The following MYO10 variants were observed in gnomAD, a reference collection of about 807,000 sequenced individuals.
MYO10 encodes myosin X.
Under a neutral mutation model 257.3 loss-of-function variants are expected in MYO10, and 133 were observed. The ratio of observed to expected loss-of-function variants is 0.52; its 90% CI spans 0.45 to 0.60. MYO10 has a LOEUF of 0.60. MYO10 is among the 20% of genes least tolerant of loss of function. The pLI is 0.00. For missense variants in MYO10, 2,399 were observed against 2,635.7 expected (o/e 0.91, Z 1.97); for synonymous variants, 1,104 against 1,028.6 (o/e 1.07, Z -1.40).
Position 16,671,454 on chromosome 5 carries a change from C to T in MYO10, c.5398G>A (p.Asp1800Asn), listed in dbSNP as rs1237861494. 6.2e-7 allele frequency: 1 copy of T among 1,613,888 alleles called. No homozygotes were observed. Among genetic ancestry groups the T allele is most frequent in the Non-Finnish European group, 8.5e-7 (1 of 1,179,890 alleles). Reference protein sequence around the residue: ...CFLDTDNVPKDSVEFAFMFEQ... With the variant: ...CFLDTDNVPKNSVEFAFMFEQ... ...AACATAAATGCAAACTCCACACTGTCTTTTGGCACGTTGTCTGTGTCCAGG... is the reference window on the plus strand; with the variant it reads ...AACATAAATGCAAACTCCACACTGTTTTTTGGCACGTTGTCTGTGTCCAGG... The change falls in exon 38 of 41, where the codon GAC (aspartate) becomes AAC (asparagine). Residue 1800 changes from aspartate to asparagine, a missense_variant. Asp to Asn is a conservative substitution (Grantham distance 23). This residue lies in a region of MYO10 where 1,820 missense variants were observed against 1,939.4 expected (regional missense o/e 0.94). Coordinates refer to ENST00000513610, the MANE Select transcript of MYO10 (RefSeq NM_012334.3).
intron 19 of MYO10, among the ~76,000 whole-genome samples, chr5:16,720,026 A>G (rs966419025): frequency 1.9e-3 from 178 of 94,366 alleles, no homozygotes; most frequent in South Asian, 6.3e-3. Flanking sequence ...GTGTGTGTAT[A>G]TGTATGTATG....
chr5:16,723,181 G>A (rs890932446), intron 19 of MYO10, among the ~76,000 whole-genome samples: 18 of 149,612 alleles, frequency 1.2e-4, no homozygotes, highest in African/African-American at 4.3e-4. Context: ...TCAGGAGATC[G>A]AGACCATCCT....
intron 2 of MYO10, among the ~76,000 whole-genome samples, chr5:16,843,024 G>C (rs1416814922): frequency 3.3e-5 from 5 of 151,866 alleles, no homozygotes; most frequent in African/African-American, 1.2e-4. Flanking sequence ...AAACTGTCAG[G>C]ACTCATTTCC....
At chr5:16,705,749 A>G (rs1205105334) in intron 21 of MYO10, among the ~76,000 whole-genome samples, 1 of 145,818 alleles carries the variant, frequency 6.9e-6, no homozygotes, top group Non-Finnish European at 1.5e-5. Context: ...AAAGCAAATA[A>G]AGAGTCCTAC....
chr5:16,672,551 C>T, intron 37 of MYO10, 138 bp downstream of exon 37: 3 of 947,688 alleles, frequency 3.2e-6, no homozygotes, highest in Non-Finnish European at 3.1e-6. Flanking sequence ...CAAAGTTAAA[C>T]AGGCATCAAC....
At chr5:16,923,910 G>C (rs989949076) in intron 1 of MYO10, among the ~76,000 whole-genome samples, 1 of 152,064 alleles carries the variant, frequency 6.6e-6, no homozygotes, top group Non-Finnish European at 1.5e-5. Context: ...GGCAAAACAA[G>C]GAGACCTCAT....
chr5:16,913,074 C>A (rs889286667), intron 1 of MYO10, among the ~76,000 whole-genome samples: 1 of 151,968 alleles, frequency 6.6e-6, no homozygotes, highest in Non-Finnish European at 1.5e-5. Context: ...CTCAGTGCCT[C>A]CCTTCTTTTG....
chr5:16,769,885 A>T (rs1186892086), intron 9 of MYO10, among the ~76,000 whole-genome samples: 1 of 152,154 alleles, frequency 6.6e-6, no homozygotes, highest in African/African-American at 2.4e-5. Flanking sequence ...CTTTAGATGT[A>T]AAAATGTGGA....
intron 2 of MYO10, among the ~76,000 whole-genome samples, chr5:16,852,931 A>G (rs1446207850): frequency 6.6e-6 from 1 of 152,206 alleles, no homozygotes; most frequent in Non-Finnish European, 1.5e-5. Flanking sequence ...AAATTGAAGA[A>G]TAACAACAGT....
chr5:16,724,474 A>G (rs1008649052), intron 19 of MYO10, among the ~76,000 whole-genome samples: 1 of 152,188 alleles, frequency 6.6e-6, no homozygotes, highest in African/African-American at 2.4e-5. Context: ...CACTAGTTCA[A>G]ATATGACTCT....
chr5:16,918,117 C>G (rs1414469266), intron 1 of MYO10, among the ~76,000 whole-genome samples: 1 of 152,180 alleles, frequency 6.6e-6, no homozygotes, highest in African/African-American at 2.4e-5. Flanking sequence ...AAGTCTCACA[C>G]TACTAGGAGA....
At chr5:16,742,338 T>A (rs1355896658) in intron 19 of MYO10, 3 of 734,054 alleles carry the variant, frequency 4.1e-6, no homozygotes, top group East Asian at 1.3e-4. Context: ...AGGGCTTTAC[T>A]GGGATTGTTT....
intron 19 of MYO10, among the ~76,000 whole-genome samples, chr5:16,734,341 C>G (rs979683668): frequency 3.3e-5 from 5 of 152,158 alleles, no homozygotes; most frequent in African/African-American, 1.2e-4. Context: ...TTGATATTCC[C>G]CACGCCTACC....
At chr5:16,747,741 AC>A (rs1258396000) in intron 19 of MYO10, among the ~76,000 whole-genome samples, 1 of 151,636 alleles carries the variant, frequency 6.6e-6, no homozygotes, top group Non-Finnish European at 1.5e-5. Flanking sequence ...ACACAGAGAA[AC>A]CCCCGTCTCT....
In MYO10 at chr5:16,769,200, C is replaced by T. The variant is rs1472578747; in HGVS notation, c.934G>A (p.Ala312Thr). 1.2e-6 allele frequency: 2 copies of T among 1,602,944 alleles called. No homozygotes were observed. ...DQESFREVIT[A>T]MDVMQFSKEE... ...TTGCTGAACTGCATCACGTCCATTG[C>T]CGTCTAGAAGAAAATAAATGTATTT... The change falls in exon 10 of 41, where the codon GCA (alanine) becomes ACA (threonine). Residue 312 changes from alanine (A) to threonine (T), a missense_variant. Physicochemically the swap from Ala to Thr is moderately conservative, Grantham distance 58 (BLOSUM62 0). Coordinates refer to ENST00000513610, the MANE Select transcript of MYO10 (RefSeq NM_012334.3).
chr5:16,913,587 C>T (rs1043255759), intron 1 of MYO10, among the ~76,000 whole-genome samples: 30 of 152,154 alleles, frequency 2.0e-4, no homozygotes, highest in African/African-American at 6.3e-4. Context: ...GGAAGGCTGG[C>T]AGTGGAAGAC....
intron 2 of MYO10, among the ~76,000 whole-genome samples, chr5:16,852,236 A>G (rs1480013889): frequency 3.9e-5 from 2 of 51,096 alleles, no homozygotes; most frequent in Non-Finnish European, 6.5e-5. Context: ...AGTACAGGCT[A>G]AAAAAAAAAA....
chr5:16,876,938 G>A (rs942601342), intron 2 of MYO10, among the ~76,000 whole-genome samples: 2 of 152,178 alleles, frequency 1.3e-5, no homozygotes, highest in Non-Finnish European at 2.9e-5. Flanking sequence ...TCTTTGGCAG[G>A]TGACTTGGTC....
At position 16,666,577 on chromosome 5, in the gene MYO10, C is replaced by T. The variant is rs1736178432; in HGVS notation, c.*115G>A. Reference sequence around the variant, plus strand: ...GACACCTCCCTCAGACCAGAAGCTTCCAGAAAGCCTGGGCAGCTCTGTGTT... The same window carrying T: ...GACACCTCCCTCAGACCAGAAGCTTTCAGAAAGCCTGGGCAGCTCTGTGTT... On this transcript the variant is annotated 3_prime_UTR_variant, in exon 41 of 41. Transcript: ENST00000513610. The T allele has an allele frequency of 2.4e-6, 2 of 830,486 alleles. No homozygotes were observed. Among genetic ancestry groups the T allele is most frequent in the Non-Finnish European group, 1.8e-6 (1 of 544,786 alleles). 51.4% of individuals were successfully genotyped at this position (830,486 alleles called of 1,614,324 possible).
Sources: allele counts gnomAD v4.1 joint callset (sites outside exome capture counted in the v4.1 genomes callset), GRCh38; gene constraint gnomAD v4.1.1; regional missense constraint gnomAD v4.1.1; transcripts MANE v1.5; gene names NCBI Gene and HGNC (gene_info 2026-07-23, HGNC 2026-07-21).